The following GREB1L variants were observed in gnomAD, a reference collection of about 807,000 sequenced individuals.
GREB1L encodes GREB1 like retinoic acid receptor coactivator.
In GREB1L, 17 loss-of-function variants were observed where a neutral mutation model predicts 200.8. The ratio of observed to expected loss-of-function variants is 0.08; its 90% CI spans 0.06 to 0.13. The LOEUF (loss-of-function observed/expected upper bound fraction) is 0.13. Among genes scored for constraint, GREB1L ranks in the 10% least tolerant of loss-of-function variants. GREB1L has a pLI of 1.00. For missense variants in GREB1L, 1,657 were observed against 2,367.7 expected (o/e 0.70, Z 6.23); for synonymous variants, 789 against 893.0 (o/e 0.88, Z 2.08).
At chr18:21,496,044 AT>A (rs920557906) in intron 20 of GREB1L, among the ~76,000 whole-genome samples, 2 of 151,736 alleles carry the variant, frequency 1.3e-5, no homozygotes, top group East Asian at 3.9e-4. Context: ...GAAAAGCAGG[AT>A]TTTTTTTTAT....
chr18:21,499,960 C>T lies in GREB1L; in HGVS notation c.3623C>T (p.Pro1208Leu). ...AAGCCGTCATCATCATCCTCAGGAC[C>T]CAGGACCCTCCCATGGCCGGGACAG... ...TSKPSSSSSG[P>L]RTLPWPGQPI... The change falls in exon 22 of 33, where the codon CCC becomes CTC. Residue 1208 changes from proline (P) to leucine (L), a missense_variant. Pro to Leu is a moderately conservative substitution (Grantham distance 98). This residue lies in a region of GREB1L where 512 missense variants were observed against 668.3 expected (regional missense o/e 0.77). Coordinates refer to ENST00000424526, the MANE Select transcript of GREB1L (RefSeq NM_001142966.3). 1.9e-6 allele frequency: 3 copies of T among 1,551,374 alleles called. No individual in the cohort carries two copies. The highest frequency in any genetic ancestry group is 1.4e-5 in the African/African-American group (1 of 73,172).
At chr18:21,243,797 G>A (rs1286882016) in intron 1 of GREB1L, among the ~76,000 whole-genome samples, 2 of 152,140 alleles carry the variant, frequency 1.3e-5, no homozygotes, top group Non-Finnish European at 2.9e-5. Context: ...CATGCATATA[G>A]GTATGTATTT....
In GREB1L at chr18:21,500,198, G is replaced by A. The variant is rs2036725405; in HGVS notation, c.3861G>A (p.Gln1287=). 1.3e-6 allele frequency: 2 copies of A among 1,548,610 alleles called. No individual in the cohort carries two copies. The highest frequency in any genetic ancestry group is 1.4e-5 in the African/African-American group (1 of 73,058). Residue 1287 remains glutamine, a synonymous_variant, in exon 22 of 33, where the codon CAG becomes CAA. Coordinates refer to ENST00000424526, the MANE Select transcript of GREB1L (RefSeq NM_001142966.3). Reference sequence around the variant, plus strand: ...AGGAGCAGTCCCTCTACTACAGGCAGTGGACCTTGGCCCGGCAGCACCACG... The same window carrying A: ...AGGAGCAGTCCCTCTACTACAGGCAATGGACCTTGGCCCGGCAGCACCACG... ...SSEEQSLYYR[Q]WTLARQHHAD...
At chr18:21,280,882 T>G (rs1170273143) in intron 1 of GREB1L, among the ~76,000 whole-genome samples, 1 of 152,226 alleles carries the variant, frequency 6.6e-6, no homozygotes, top group African/African-American at 2.4e-5. Flanking sequence ...CATTTCTCCT[T>G]GGACTGGTTA....
intron 1 of GREB1L, among the ~76,000 whole-genome samples, chr18:21,280,937 A>G (rs1200898823): frequency 6.6e-6 from 1 of 152,064 alleles, no homozygotes; most frequent in African/African-American, 2.4e-5. Flanking sequence ...ATGGTGTAGG[A>G]CTGGTTACTA....
intron 1 of GREB1L, among the ~76,000 whole-genome samples, chr18:21,329,301 G>A (rs771145087): frequency 6.7e-6 from 1 of 149,308 alleles, no homozygotes; most frequent in Non-Finnish European, 1.5e-5. Context: ...CTCCAGCCTG[G>A]GCGACAGAGT....
chr18:21,452,303 T>G (rs1339017353), intron 14 of GREB1L, 86 bp downstream of exon 14: 5 of 1,337,706 alleles, frequency 3.7e-6, no homozygotes, highest in Non-Finnish European at 5.1e-6. Context: ...TTTTGAGGAT[T>G]CTTCAAGTCA....
chr18:21,420,525 G>C (rs1249338413), intron 7 of GREB1L, among the ~76,000 whole-genome samples: 2 of 152,178 alleles, frequency 1.3e-5, no homozygotes, highest in Non-Finnish European at 2.9e-5. Flanking sequence ...ATGGGTGGCA[G>C]TTAAGCACTG....
At chr18:21,309,564 A>G (rs1404132992) in intron 1 of GREB1L, among the ~76,000 whole-genome samples, 2 of 152,214 alleles carry the variant, frequency 1.3e-5, no homozygotes, top group Admixed American at 1.3e-4. Context: ...GGGGGTAGCC[A>G]GAAGAAAATC....
At chr18:21,516,934 C>T (rs541929834) in intron 30 of GREB1L, among the ~76,000 whole-genome samples, 180 bp downstream of exon 30, 1 of 140,650 alleles carries the variant, frequency 7.1e-6, no homozygotes, top group East Asian at 2.2e-4. Flanking sequence ...AGAGCAGTGG[C>T]GTGATCACGG....
At chr18:21,517,190 T>C (rs568965929) in intron 30 of GREB1L, among the ~76,000 whole-genome samples, 1 of 152,170 alleles carries the variant, frequency 6.6e-6, no homozygotes, top group Admixed American at 6.6e-5. Flanking sequence ...GAGTTCTTAA[T>C]GTCAAATTTT....
chr18:21,346,797 A>G (rs900186363), intron 1 of GREB1L, among the ~76,000 whole-genome samples: 10 of 152,222 alleles, frequency 6.6e-5, no homozygotes, highest in East Asian at 5.8e-4. Context: ...TCTGCCATCA[A>G]TGTGTGGCTT....
chr18:21,409,808 G>A (rs576928759), intron 7 of GREB1L, among the ~76,000 whole-genome samples: 2 of 152,182 alleles, frequency 1.3e-5, no homozygotes, highest in South Asian at 4.1e-4. Context: ...TGCAAAAACT[G>A]AAATTAACAA....
chr18:21,470,027 A>G (rs2035417388), intron 15 of GREB1L, among the ~76,000 whole-genome samples: 2 of 152,160 alleles, frequency 1.3e-5, no homozygotes, highest in African/African-American at 4.8e-5. Flanking sequence ...GATCATGCCT[A>G]TAATCCCAGT....
intron 1 of GREB1L, among the ~76,000 whole-genome samples, chr18:21,244,320 C>G (rs1237905914): frequency 1.3e-5 from 2 of 152,182 alleles, no homozygotes; most frequent in East Asian, 1.9e-4. Context: ...CAGTGTGTAT[C>G]TGAAAACACT....
chr18:21,272,785 C>G (rs1042696436), intron 1 of GREB1L, among the ~76,000 whole-genome samples: 1 of 151,262 alleles, frequency 6.6e-6, no homozygotes, highest in Non-Finnish European at 1.5e-5. Flanking sequence ...GGCCTAATGC[C>G]AAGAAGATAA....
chr18:21,465,607 C>A (rs899424514), intron 15 of GREB1L, among the ~76,000 whole-genome samples: 3 of 152,060 alleles, frequency 2.0e-5, no homozygotes, highest in African/African-American at 7.2e-5. Flanking sequence ...GTATTTATGA[C>A]ACTAGTCTTT....
chr18:21,458,623 C>CA lies in GREB1L; in HGVS notation c.2182+4061dup, dbSNP rs143321746. Among the ~76,000 whole-genome samples, 1,207 of 152,108 alleles carry CA rather than the reference C, an allele frequency of 7.9e-3. 20 individuals carry two copies. The highest frequency in any genetic ancestry group is 0.028 in the African/African-American group (1,163 of 41,488). On this transcript the variant is annotated intron_variant, in intron 15 of 32. Coordinates refer to ENST00000424526, the MANE Select transcript of GREB1L (RefSeq NM_001142966.3). Reference sequence around the variant, plus strand: ...CACTAAAGTGAAGCATTTGAAACCTCAGCACACATTCTGATGAAGAAATGA... The same window carrying CA: ...CACTAAAGTGAAGCATTTGAAACCTCAAGCACACATTCTGATGAAGAAATGA...
chr18:21,300,894 C>T (rs2038607386), intron 1 of GREB1L, among the ~76,000 whole-genome samples: 1 of 152,092 alleles, frequency 6.6e-6, no homozygotes, highest in South Asian at 2.1e-4. Context: ...GAAAATTATT[C>T]CCTAGCTTAC....
Sources: gnomAD v4.1 joint callset for allele counts (sites outside exome capture counted in the v4.1 genomes callset) on GRCh38, gnomAD v4.1.1 for gene constraint, gnomAD v4.1.1 regional missense constraint, MANE v1.5 for transcripts, NCBI Gene and HGNC (gene_info 2026-07-23, HGNC 2026-07-21) for gene names.